SPATA31H1: variants seen among roughly 807,000 people sequenced by gnomAD.
SPATA31H1 encodes the protein SPATA31 subfamily H member 1.
the SPATA31H1 span, chr2:27,567,265 C>T: frequency 1.6e-6 from 1 of 607,508 alleles, no homozygotes; most frequent in African/African-American, 1.9e-5. Context: ...CTCTCTCCTT[C>T]AGTTAGAAGG....
At chr2:27,539,110 T>C in the SPATA31H1 span, among the ~76,000 whole-genome samples, 32,422 of 132,896 alleles carry the variant, frequency 0.24, 4,630 homozygotes, top group East Asian at 0.47. Flanking sequence ...TCTTTTTTTT[T>C]TTTTTTTTTT....
At chr2:27,580,247 T>A in the SPATA31H1 span, 1 of 1,614,098 alleles carries the variant, frequency 6.2e-7, no homozygotes, top group African/African-American at 1.3e-5. Flanking sequence ...CCCAGTCCCC[T>A]GCTCCTGTAC....
chr2:27,580,360 CAG>C, the SPATA31H1 span: 1 of 1,614,124 alleles, frequency 6.2e-7, no homozygotes, highest in South Asian at 1.1e-5. Context: ...CACAACCTAC[CAG>C]AGAGTGACTC....
the SPATA31H1 span, among the ~76,000 whole-genome samples, chr2:27,550,883 C>A: frequency 1.3e-5 from 2 of 151,014 alleles, no homozygotes; most frequent in Admixed American, 6.6e-5. Flanking sequence ...TGTTTATTTT[C>A]TTTTCTTTTT....
the SPATA31H1 span, among the ~76,000 whole-genome samples, chr2:27,543,547 CA>C: frequency 0.24 from 30,783 of 129,688 alleles, 3,421 homozygotes; most frequent in East Asian, 0.37. Context: ...ACTAGGTTGG[CA>C]AAAAAAAAAA....
chr2:27,562,051 C>G, the SPATA31H1 span, among the ~76,000 whole-genome samples: 2 of 152,166 alleles, frequency 1.3e-5, no homozygotes, highest in Non-Finnish European at 2.9e-5. Flanking sequence ...ATGGGACTCC[C>G]TTTATTATAA....
At chr2:27,574,439 G>A in the SPATA31H1 span, 4 of 398,366 alleles carry the variant, frequency 1.0e-5, no homozygotes, top group Non-Finnish European at 8.9e-6. Flanking sequence ...CTGTAGAGCT[G>A]GAATCAGGCC....
At chr2:27,546,333 C>A in the SPATA31H1 span, among the ~76,000 whole-genome samples, 1 of 151,712 alleles carries the variant, frequency 6.6e-6, no homozygotes, top group Non-Finnish European at 1.5e-5. Context: ...TTTTCTTTCA[C>A]ATTTAGCTCT....
At chr2:27,551,326 C>T in the SPATA31H1 span, among the ~76,000 whole-genome samples, 33 of 151,910 alleles carry the variant, frequency 2.2e-4, no homozygotes, top group African/African-American at 8.0e-4. Flanking sequence ...CAAGGTTATC[C>T]CTGCCTCCTA....
chr2:27,572,666 G>T, the SPATA31H1 span: 1 of 398,152 alleles, frequency 2.5e-6, no homozygotes, highest in South Asian at 1.3e-4. Flanking sequence ...TTACAAGTGT[G>T]AAATCTGTGC....
the SPATA31H1 span, chr2:27,574,994 A>G: frequency 7.5e-6 from 3 of 398,556 alleles, no homozygotes; most frequent in East Asian, 1.1e-4. Context: ...CTGTAGGTAC[A>G]AAGGTACAGG....
At chr2:27,567,278 G>T in the SPATA31H1 span, 1 of 596,264 alleles carries the variant, frequency 1.7e-6, no homozygotes, top group Admixed American at 3.0e-5. Flanking sequence ...TTAGAAGGGA[G>T]CTAGAAGGAC....
At chr2:27,567,146 A>G in the SPATA31H1 span, 2 of 678,894 alleles carry the variant, frequency 2.9e-6, no homozygotes, top group Non-Finnish European at 5.4e-6. Context: ...GCAAACAAAA[A>G]AGGAAAAAAA....
chr2:27,559,860 A>AT, the SPATA31H1 span, among the ~76,000 whole-genome samples: 5 of 151,432 alleles, frequency 3.3e-5, no homozygotes, highest in African/African-American at 7.3e-5. Context: ...TATTTTATTT[A>AT]TTTTTTTTCT....
At chr2:27,566,535 C>T in the SPATA31H1 span, among the ~76,000 whole-genome samples, 10 of 151,530 alleles carry the variant, frequency 6.6e-5, no homozygotes, top group African/African-American at 2.4e-4. Context: ...GTGGAAGGAT[C>T]ATTTCTGGGT....
the SPATA31H1 span, among the ~76,000 whole-genome samples, chr2:27,561,929 G>A: frequency 2.0e-5 from 3 of 152,190 alleles, no homozygotes; most frequent in Admixed American, 2.0e-4. Flanking sequence ...TCAAACTCCT[G>A]AGCTCAAGCA....
chr2:27,577,137 G>A, the SPATA31H1 span: 1 of 1,614,112 alleles, frequency 6.2e-7, no homozygotes, highest in Non-Finnish European at 8.5e-7. The surrounding 1 kb of genome is among the most constrained non-coding windows in gnomAD (Gnocchi z 4.5). Flanking sequence ...AACAGGTAGA[G>A]CTAAGGAATC....
chr2:27,543,241 T>C, the SPATA31H1 span, among the ~76,000 whole-genome samples: 13 of 152,058 alleles, frequency 8.5e-5, no homozygotes, highest in African/African-American at 1.2e-4. Flanking sequence ...ACTTCTTTCA[T>C]CCTCATAATT....
At chr2:27,578,611 A>T in the SPATA31H1 span, 7 of 1,613,940 alleles carry the variant, frequency 4.3e-6, no homozygotes, top group Non-Finnish European at 5.9e-6. Context: ...ACTCATAAAC[A>T]AGGGCTTCAG....
Sources: gnomAD v4.1 joint callset for allele counts (sites outside exome capture counted in the v4.1 genomes callset) on GRCh38, gnomAD v4.1.1 for gene constraint, Gnocchi (gnomAD v3.1) non-coding constraint, MANE v1.5 for transcripts, NCBI Gene and HGNC (gene_info 2026-07-23, HGNC 2026-07-21) for gene names.